Variants in CENPP observed in about 807,000 individuals in gnomAD.
CENPP encodes centromere protein P.
Under a neutral mutation model 35.6 loss-of-function variants are expected in CENPP, and 24 were observed. The ratio of observed to expected loss-of-function variants is 0.67; its 90% CI spans 0.49 to 0.95. The LOEUF is 0.95. Ranked by LOEUF, CENPP falls within the 40% of genes least tolerant of loss-of-function variation. The pLI is 0.00. For missense variants in CENPP, 332 were observed against 345.3 expected, an observed-to-expected ratio of 0.96 and a Z score of 0.31; for synonymous variants, 120 against 125.5, an observed-to-expected ratio of 0.96 and a Z score of 0.29.
chr9:92,461,961 GTATT>G (rs1400681232), intron 5 of CENPP, among the ~76,000 whole-genome samples: 2 of 151,906 alleles, frequency 1.3e-5, no homozygotes, highest in African/African-American at 4.8e-5. Context: ...GGTCATTGCA[GTATT>G]TATTCTTTCT....
intron 5 of CENPP, among the ~76,000 whole-genome samples, chr9:92,402,689 T>A (rs114190002): frequency 0.01 from 1,537 of 152,274 alleles, 22 homozygotes; most frequent in African/African-American, 0.033. Context: ...CTGTTAAAAT[T>A]GATTTAAAAA....
chr9:92,577,076 C>T (rs72754471), intron 5 of CENPP, among the ~76,000 whole-genome samples: 6,062 of 152,164 alleles, frequency 0.04, 184 homozygotes, highest in South Asian at 0.099. Context: ...GGATATGGAA[C>T]AATAGATATT....
chr9:92,333,615 C>T (rs1840826207), intron 2 of CENPP, among the ~76,000 whole-genome samples: 1 of 152,130 alleles, frequency 6.6e-6, no homozygotes, highest in Non-Finnish European at 1.5e-5. Context: ...AGCCAGAAAT[C>T]TAAGTAGTTA....
chr9:92,328,102 A>C (rs1219532199), intron 1 of CENPP, among the ~76,000 whole-genome samples: 2 of 152,210 alleles, frequency 1.3e-5, no homozygotes, highest in Non-Finnish European at 2.9e-5. Flanking sequence ...GAGTCGGTTC[A>C]GGTGATTGTG....
At chr9:92,533,303 C>CAAAAAAAAAA (rs1174584000) in intron 5 of CENPP, among the ~76,000 whole-genome samples, 3 of 29,886 alleles carry the variant, frequency 1.0e-4, no homozygotes, top group Non-Finnish European at 1.7e-4. Flanking sequence ...CGGTCTCAAA[C>CAAAAAAAAAA]AAAAAAAAAA....
chr9:92,451,634 G>C (rs1297243922), intron 5 of CENPP, among the ~76,000 whole-genome samples: 1 of 152,100 alleles, frequency 6.6e-6, no homozygotes, highest in Non-Finnish European at 1.5e-5. Flanking sequence ...ATTCTGTGAA[G>C]AAAGTCATTG....
chr9:92,331,338 G>A (rs138934045), intron 1 of CENPP, among the ~76,000 whole-genome samples: 7,487 of 152,056 alleles, frequency 0.049, 850 homozygotes, highest in East Asian at 0.43. Flanking sequence ...CTGCCACCAC[G>A]CCTGGCAAAT....
At chr9:92,368,126 T>C (rs1298489406) in intron 4 of CENPP, among the ~76,000 whole-genome samples, 2 of 152,232 alleles carry the variant, frequency 1.3e-5, no homozygotes, top group Non-Finnish European at 2.9e-5. Flanking sequence ...CTTATTGGTA[T>C]CATAAATTCA....
At chr9:92,412,090 A>AATTT (rs1564306787) in intron 5 of CENPP, among the ~76,000 whole-genome samples, 3 of 150,198 alleles carry the variant, frequency 2.0e-5, no homozygotes, top group Admixed American at 6.6e-5. Context: ...TTAATTAATT[A>AATTT]ATTTATTTAT....
chr9:92,611,466 T>C (rs1336573575), intron 6 of CENPP, 73 bp downstream of exon 6: 2 of 1,214,312 alleles, frequency 1.6e-6, no homozygotes, highest in Admixed American at 2.1e-5. Context: ...ACCACCTAAG[T>C]AGGATTCTAA....
chr9:92,325,603 T>C (rs192780393), upstream of CENPP: 58 of 192,356 alleles, frequency 3.0e-4, no homozygotes, highest in Non-Finnish European at 3.7e-4. Context: ...AGAGAGGAAG[T>C]AGGTGAAAAA....
At chr9:92,415,455 A>G (rs562364258) in intron 5 of CENPP, 2 of 1,606,946 alleles carry the variant, frequency 1.2e-6, no homozygotes, top group East Asian at 2.2e-5. Flanking sequence ...CAATAGAAGG[A>G]CACATCACTG....
Position 92,602,618 on chromosome 9 carries a change from C to T in CENPP, c.565-8696C>T, listed in dbSNP as rs529278281. 1.0e-3 allele frequency among the ~76,000 whole-genome samples: 157 copies of T among 152,248 alleles called. 1 individual carries two copies. Among genetic ancestry groups the T allele is most frequent in the African/African-American group, 3.5e-3 (147 of 41,530 alleles). On this transcript the variant is annotated intron_variant, in intron 5 of 7. Transcript: ENST00000375587. ...GAGACGCAGTTGGGACAGCTGGGGA[C>T]ATCTGAAGGGGCACGTTCTGGTTTG...
intron 5 of CENPP, among the ~76,000 whole-genome samples, chr9:92,455,473 GC>G (rs1373626732): frequency 1.3e-5 from 2 of 152,046 alleles, no homozygotes; most frequent in Non-Finnish European, 2.9e-5. Flanking sequence ...AGACCAGGGT[GC>G]AACTAAAAGA....
chr9:92,554,857 C>T (rs189195224), intron 5 of CENPP, among the ~76,000 whole-genome samples: 3 of 151,474 alleles, frequency 2.0e-5, no homozygotes, highest in Admixed American at 6.6e-5. Flanking sequence ...AGGCTGGTCT[C>T]GAACTCCTGA....
chr9:92,381,797 GA>G (rs1286010895), intron 5 of CENPP, among the ~76,000 whole-genome samples: 1 of 151,946 alleles, frequency 6.6e-6, no homozygotes, highest in Non-Finnish European at 1.5e-5. Context: ...ATTATTTGAA[GA>G]ACCGCATACT....
At chr9:92,350,787 G>T (rs1005063009) in intron 4 of CENPP, among the ~76,000 whole-genome samples, 1 of 152,112 alleles carries the variant, frequency 6.6e-6, no homozygotes, top group African/African-American at 2.4e-5. Flanking sequence ...ATGCAGCTTT[G>T]TGTTAATTCA....
rs143120429 is a variant in CENPP at position 92,551,925 on chromosome 9, G to GTATATATATA, written c.565-59371_565-59362dup. On this transcript the variant is annotated intron_variant, in intron 5 of 7. Transcript: ENST00000375587. The stretch of plus-strand genomic sequence containing the variant: ...CATTTGTTATATATATGGTGTGTGT[G>GTATATATATA]TATATATATATATATATATATATAT... Among the ~76,000 whole-genome samples the GTATATATATA allele has an allele frequency of 6.8e-3, 573 of 84,472 alleles. 8 individuals are homozygous for GTATATATATA. The highest frequency in any genetic ancestry group is 0.013 in the South Asian group (43 of 3,274). The allele number at this position is 84,472 out of a possible 152,430, so 55.4% of individuals were successfully genotyped here.
intron 5 of CENPP, among the ~76,000 whole-genome samples, chr9:92,432,453 C>T (rs1011709832): frequency 1.3e-5 from 2 of 152,018 alleles, no homozygotes; most frequent in Non-Finnish European, 2.9e-5. Context: ...ATTTATTGTT[C>T]GGTCTTTCTC....
Sources: gnomAD v4.1 joint callset for allele counts (sites outside exome capture counted in the v4.1 genomes callset) on GRCh38, gnomAD v4.1.1 for gene constraint, MANE v1.5 for transcripts, NCBI Gene and HGNC (gene_info 2026-07-23, HGNC 2026-07-21) for gene names.